Variants in RAB5A observed in about 807,000 individuals in gnomAD.
RAB5A encodes the protein RAB5A, member RAS oncogene family, also known as ras-related protein Rab-5A.
RAB5A carries 8 observed loss-of-function variants against 25.7 expected under a neutral mutation model. The observed-to-expected ratio is 0.31, with a 90% CI of 0.18 to 0.56. The LOEUF is 0.56. Among genes scored for constraint, RAB5A ranks in the 20% least tolerant of loss-of-function variants. The pLI is 0.91. For missense variants in RAB5A, 192 were observed against 259.7 expected, an observed-to-expected ratio of 0.74 and a Z score of 1.79; for synonymous variants, 98 against 89.8, an observed-to-expected ratio of 1.09 and a Z score of -0.52.
intron 2 of RAB5A, among the ~76,000 whole-genome samples, chr3:19,951,642 T>C (rs2125177955): frequency 6.6e-6 from 1 of 150,696 alleles, no homozygotes; most frequent in South Asian, 2.1e-4. Context: ...AATGATCTTC[T>C]TGCCTTAGCC....
intron 2 of RAB5A, among the ~76,000 whole-genome samples, chr3:19,972,983 A>G (rs1029749910): frequency 6.6e-6 from 1 of 152,226 alleles, no homozygotes; most frequent in African/African-American, 2.4e-5. Context: ...ACTTAGCTCC[A>G]AAAAGCAAAA....
At chr3:19,962,952 A>G (rs1038025890) in intron 2 of RAB5A, among the ~76,000 whole-genome samples, 3 of 152,090 alleles carry the variant, frequency 2.0e-5, no homozygotes, top group Admixed American at 6.6e-5. Context: ...AGCTGGGACT[A>G]CAGGTATGCA....
rs1337249900 is a variant in RAB5A at position 19,984,071 on chromosome 3, TA to T, written c.*249del. On this transcript the variant is annotated 3_prime_UTR_variant, in exon 6 of 6. Coordinates refer to ENST00000273047, the MANE Select transcript of RAB5A (RefSeq NM_004162.5). ...GTGGACACTTGTTTCATTGGAAGGT[TA>T]GGGGGAATAATTTCTCATCACTAGG... The T allele has an allele frequency of 9.1e-6, 4 of 438,990 alleles. No individual in the cohort carries two copies. The highest frequency in any genetic ancestry group is 3.9e-5 in the Admixed American group (1 of 25,358). 27.2% of individuals were successfully genotyped at this position (438,990 alleles called of 1,614,324 possible).
At chr3:19,956,217 C>CA (rs1221195097) in intron 2 of RAB5A, among the ~76,000 whole-genome samples, 1 of 152,098 alleles carries the variant, frequency 6.6e-6, no homozygotes, top group Non-Finnish European at 1.5e-5. Flanking sequence ...CCTGTAATCC[C>CA]AGCACTTTGG....
intron 1 of RAB5A, among the ~76,000 whole-genome samples, chr3:19,949,751 T>A (rs914579440): frequency 2.6e-5 from 4 of 152,096 alleles, no homozygotes; most frequent in Non-Finnish European, 5.9e-5. Flanking sequence ...AAATAAAAAA[T>A]AATGGCCTGC....
chr3:19,953,608 A>G (rs1460353270), intron 2 of RAB5A, among the ~76,000 whole-genome samples: 1 of 152,052 alleles, frequency 6.6e-6, no homozygotes, highest in Admixed American at 6.6e-5. Flanking sequence ...GGGTTTCACC[A>G]TGTCGGTCGG....
intron 2 of RAB5A, among the ~76,000 whole-genome samples, chr3:19,958,895 CA>C (rs1249673996): frequency 6.6e-6 from 1 of 151,998 alleles, no homozygotes; most frequent in African/African-American, 2.4e-5. Context: ...GCTGAGATCG[CA>C]CCACTGCACT....
chr3:19,971,197 C>CAA (rs757289443), intron 2 of RAB5A, among the ~76,000 whole-genome samples: 4,714 of 74,582 alleles, frequency 0.063, 220 homozygotes, highest in Non-Finnish European at 0.089. Flanking sequence ...AACTCCATCT[C>CAA]AAAAAAAAAA....
chr3:19,979,106 T>TG (rs1414038212), intron 5 of RAB5A, among the ~76,000 whole-genome samples: 1 of 151,974 alleles, frequency 6.6e-6, no homozygotes, highest in Non-Finnish European at 1.5e-5. Context: ...CCTCCTGAAT[T>TG]GCTGGGATTA....
intron 5 of RAB5A, among the ~76,000 whole-genome samples, 196 bp from the exon 6 acceptor site, chr3:19,983,512 C>T (rs1235311193): frequency 6.6e-6 from 1 of 151,972 alleles, no homozygotes; most frequent in Non-Finnish European, 1.5e-5. Flanking sequence ...CACAATTACC[C>T]CAGAAATCAA....
chr3:19,977,226 C>T (rs1043054710), intron 4 of RAB5A, among the ~76,000 whole-genome samples: 4 of 152,172 alleles, frequency 2.6e-5, no homozygotes, highest in Non-Finnish European at 5.9e-5. Context: ...GCGCCCACCA[C>T]CACTCCTGGC....
chr3:19,973,003 G>A (rs867208776), intron 2 of RAB5A, among the ~76,000 whole-genome samples: 1 of 152,180 alleles, frequency 6.6e-6, no homozygotes, highest in Non-Finnish European at 1.5e-5. Flanking sequence ...AATTAAATTT[G>A]CCACACACTT....
chr3:19,948,468 T>A (rs73173912), intron 1 of RAB5A, among the ~76,000 whole-genome samples: 4,852 of 152,300 alleles, frequency 0.032, 257 homozygotes, highest in African/African-American at 0.11. Flanking sequence ...AATTTTTTGA[T>A]CAAAGAACCC....
At chr3:19,973,384 T>C (rs1696779236) in intron 2 of RAB5A, among the ~76,000 whole-genome samples, 2 of 151,678 alleles carry the variant, frequency 1.3e-5, no homozygotes, top group Admixed American at 6.6e-5. Context: ...TTAATTCCTT[T>C]TTTTTTTTTT....
chr3:19,977,702 GTTTC>G (rs1210327809), intron 4 of RAB5A, among the ~76,000 whole-genome samples: 3 of 152,162 alleles, frequency 2.0e-5, no homozygotes, highest in Non-Finnish European at 4.4e-5. Context: ...AACCTCAGTT[GTTTC>G]TTTGTCCAAT....
At chr3:19,955,578 G>A (rs911674972) in intron 2 of RAB5A, among the ~76,000 whole-genome samples, 10 of 152,080 alleles carry the variant, frequency 6.6e-5, no homozygotes, top group African/African-American at 2.4e-4. Context: ...TTTTTTTGAG[G>A]TGTGGTGTTT....
Position 19,976,108 on chromosome 3 carries a change from T to A in RAB5A, c.377T>A (p.Ile126Asn). 6.2e-7 allele frequency: 1 copy of A among 1,613,154 alleles called. No homozygotes were observed. Among genetic ancestry groups the A allele is most frequent in the Non-Finnish European group, 8.5e-7 (1 of 1,179,660 alleles). ...KELQRQASPN[I>N]VIALSGNKAD... ...CTTCAGAGGCAAGCAAGTCCTAACATTGTAATAGCTTTATCGGGAAACAAG... is the reference window on the plus strand; with the variant it reads ...CTTCAGAGGCAAGCAAGTCCTAACAATGTAATAGCTTTATCGGGAAACAAG... The change falls in exon 4 of 6, where the codon ATT becomes AAT. Residue 126 changes from isoleucine (I) to asparagine (N), a missense_variant. Around this residue, in one of 3 missense-constraint regions of RAB5A, gnomAD observed 121 missense variants for 135.7 expected, o/e 0.89. Transcript: ENST00000273047.
chr3:19,970,286 CT>C (rs1696726380), intron 2 of RAB5A, among the ~76,000 whole-genome samples: 1 of 152,230 alleles, frequency 6.6e-6, no homozygotes, highest in Non-Finnish European at 1.5e-5. Context: ...GTGTCTTCCC[CT>C]GGCTTACTGT....
At chr3:19,963,566 CTG>C (rs1166865559) in intron 2 of RAB5A, among the ~76,000 whole-genome samples, 1 of 152,058 alleles carries the variant, frequency 6.6e-6, no homozygotes, top group African/African-American at 2.4e-5. Flanking sequence ...TTTCCTCTAA[CTG>C]TTAATAGGAG....
Sources: gnomAD v4.1 joint callset for allele counts (sites outside exome capture counted in the v4.1 genomes callset) on GRCh38, gnomAD v4.1.1 for gene constraint, gnomAD v4.1.1 regional missense constraint, MANE v1.5 for transcripts, NCBI Gene and HGNC (gene_info 2026-07-23, HGNC 2026-07-21) for gene names.